FKBP5: variants seen among roughly 807,000 people sequenced by gnomAD.
The protein encoded by FKBP5 is peptidyl-prolyl cis-trans isomerase FKBP5.
In FKBP5, 23 loss-of-function variants were observed where a neutral mutation model predicts 50.5. That is an observed-to-expected ratio of 0.46 (90% confidence interval 0.33 to 0.65). The LOEUF (loss-of-function observed/expected upper bound fraction) is 0.65, where lower values mean the gene tolerates loss of function less well. Ranked by LOEUF, FKBP5 falls within the 30% of genes least tolerant of loss-of-function variation. FKBP5 has a pLI of 0.02. For missense variants in FKBP5, 411 were observed against 553.1 expected (o/e 0.74, Z 2.58); for synonymous variants, 176 against 190.6 (o/e 0.92, Z 0.63).
chr6:35,641,601 G>C (rs1051598486), intron 2 of FKBP5, among the ~76,000 whole-genome samples: 3 of 152,216 alleles, frequency 2.0e-5, no homozygotes, highest in Admixed American at 2.0e-4. Flanking sequence ...GTGAATGACT[G>C]TATAGTGCTT....
At chr6:35,622,763 G>C (rs1763883616) in intron 3 of FKBP5, among the ~76,000 whole-genome samples, 1 of 152,076 alleles carries the variant, frequency 6.6e-6, no homozygotes, top group African/African-American at 2.4e-5. Context: ...TAGAAAGGAG[G>C]ATGTACATTT....
chr6:35,694,055 T>C (rs1475406454), intron 2 of FKBP5, among the ~76,000 whole-genome samples: 1 of 152,146 alleles, frequency 6.6e-6, no homozygotes, highest in East Asian at 1.9e-4. Flanking sequence ...CCCAGGCTGG[T>C]CTTGAACTCC....
intron 1 of FKBP5, among the ~76,000 whole-genome samples, chr6:35,645,079 C>A (rs541308894): frequency 2.0e-5 from 3 of 152,322 alleles, no homozygotes; most frequent in African/African-American, 7.2e-5. Flanking sequence ...CCAAACTCTG[C>A]ATCACCAATA....
At chr6:35,639,222 T>C (rs1201222332) in intron 2 of FKBP5, among the ~76,000 whole-genome samples, 1 of 152,244 alleles carries the variant, frequency 6.6e-6, no homozygotes, top group African/African-American at 2.4e-5. Flanking sequence ...CTAATCCTAA[T>C]AACTCTATGA....
At chr6:35,665,167 G>A (rs1765178846) in intron 1 of FKBP5, among the ~76,000 whole-genome samples, 1 of 152,100 alleles carries the variant, frequency 6.6e-6, no homozygotes, top group Admixed American at 6.6e-5. Context: ...TTCTGACACA[G>A]CACACCCACC....
At chr6:35,702,115 T>C (rs895172892) in intron 2 of FKBP5, among the ~76,000 whole-genome samples, 1 of 152,180 alleles carries the variant, frequency 6.6e-6, no homozygotes, top group Non-Finnish European at 1.5e-5. Context: ...CCTAAAGTGC[T>C]GGGATTACAG....
intron 1 of FKBP5, among the ~76,000 whole-genome samples, chr6:35,722,345 T>C (rs576764155): frequency 1.2e-4 from 18 of 152,272 alleles, no homozygotes; most frequent in Admixed American, 3.3e-4. Flanking sequence ...GCTTTGGAAA[T>C]AGCATTATAT....
In FKBP5 at chr6:35,588,061, T is replaced by C. The variant is rs1334978359; in HGVS notation, c.757-944A>G. On this transcript the variant is annotated intron_variant, in intron 7 of 10. Transcript: ENST00000357266. ...TTTTTTTGAGACGGAGTTTCGCTCT[T>C]GTTGTCCAGGCTGGAGTGCAATGGT... Among the ~76,000 whole-genome samples, 5 of 151,844 alleles carry C rather than the reference T, an allele frequency of 3.3e-5. No individual in the cohort carries two copies. The East Asian group carries it at 9.6e-4, about 29-fold the overall frequency.
chr6:35,609,542 T>A (rs779324987), intron 5 of FKBP5, among the ~76,000 whole-genome samples: 2 of 152,230 alleles, frequency 1.3e-5, no homozygotes, highest in Non-Finnish European at 2.9e-5. Context: ...TGGGTACCAC[T>A]ATCAACTGGC....
intron 8 of FKBP5, chr6:35,583,503 C>T: frequency 2.0e-6 from 2 of 985,440 alleles, no homozygotes; most frequent in African/African-American, 1.7e-5. Context: ...TAGACTTCAA[C>T]TTCCAATTAG....
At chr6:35,687,530 T>A (rs1205607650) in intron 1 of FKBP5, among the ~76,000 whole-genome samples, 1 of 152,208 alleles carries the variant, frequency 6.6e-6, no homozygotes, top group Admixed American at 6.5e-5. Context: ...AATCCCAGAC[T>A]ATTAAAAATA....
chr6:35,668,377 A>G (rs1765287683), intron 1 of FKBP5, among the ~76,000 whole-genome samples: 1 of 152,232 alleles, frequency 6.6e-6, no homozygotes, highest in South Asian at 2.1e-4. Context: ...CTACCACAAC[A>G]GTTCAGGGGT....
intron 2 of FKBP5, among the ~76,000 whole-genome samples, chr6:35,711,932 A>G (rs1033881395): frequency 2.0e-5 from 3 of 151,426 alleles, no homozygotes. Context: ...GCTAGAGTGC[A>G]GTGGTGCAAT....
chr6:35,631,954 C>CAAAA (rs763457961), intron 3 of FKBP5, among the ~76,000 whole-genome samples: 93 of 63,746 alleles, frequency 1.5e-3, no homozygotes, highest in African/African-American at 4.4e-3. Flanking sequence ...GACTCTGTCT[C>CAAAA]AAAAAAAAAA....
At chr6:35,679,991 G>T (rs1401889880) in intron 1 of FKBP5, among the ~76,000 whole-genome samples, 1 of 151,664 alleles carries the variant, frequency 6.6e-6, no homozygotes, top group Non-Finnish European at 1.5e-5. Flanking sequence ...ATGAGTAAAG[G>T]CAAAATAAAT....
chr6:35,710,105 G>A (rs1214668389), intron 2 of FKBP5, among the ~76,000 whole-genome samples: 1 of 152,174 alleles, frequency 6.6e-6, no homozygotes, highest in African/African-American at 2.4e-5. Context: ...AGAACAAGGG[G>A]CAGGAAGAGT....
At chr6:35,662,048 ACTTT>A (rs1765081882) in intron 1 of FKBP5, among the ~76,000 whole-genome samples, 1 of 151,984 alleles carries the variant, frequency 6.6e-6, no homozygotes, top group African/African-American at 2.4e-5. Context: ...AGTTTTTGTT[ACTTT>A]CTCTTTTTTA....
chr6:35,690,721 A>G (rs919193778), upstream of FKBP5, among the ~76,000 whole-genome samples: 2 of 152,100 alleles, frequency 1.3e-5, no homozygotes, highest in Non-Finnish European at 2.9e-5. Context: ...AATAGCACAT[A>G]TTAGGCAGGG....
chr6:35,583,795 G>A (rs1228620160), intron 8 of FKBP5: 2 of 985,298 alleles, frequency 2.0e-6, no homozygotes, highest in Admixed American at 1.2e-4. Context: ...GAAAGACAGG[G>A]TGGACTCTTC....
Sources: gnomAD v4.1 joint callset for allele counts (sites outside exome capture counted in the v4.1 genomes callset) on GRCh38, gnomAD v4.1.1 for gene constraint, MANE v1.5 for transcripts, NCBI Gene and HGNC (gene_info 2026-07-23, HGNC 2026-07-21) for gene names.